RGS12: variants seen among roughly 807,000 people sequenced by gnomAD.
The protein encoded by RGS12 is regulator of G-protein signaling 12.
RGS12 carries 66 observed loss-of-function variants against 120.1 expected under a neutral mutation model. That is an observed-to-expected ratio of 0.55 (90% CI 0.45 to 0.67). RGS12 has a LOEUF of 0.67. Ranked by LOEUF, RGS12 falls within the 30% of genes least tolerant of loss-of-function variation. RGS12 has a pLI of 0.00. For missense variants in RGS12, 1,859 were observed against 1,957.7 expected, an observed-to-expected ratio of 0.95 and a Z score of 0.95; for synonymous variants, 827 against 804.7, an observed-to-expected ratio of 1.03 and a Z score of -0.47.
At chr4:3,346,884 C>T (rs576483661) in intron 3 of RGS12, among the ~76,000 whole-genome samples, 2 of 152,136 alleles carry the variant, frequency 1.3e-5, no homozygotes, top group Non-Finnish European at 2.9e-5. Context: ...TCTAGGAACC[C>T]TTGAAGCAGG....
At chr4:3,288,980 C>T (rs1274034203), upstream of RGS12, among the ~76,000 whole-genome samples, 1 of 152,150 alleles carries the variant, frequency 6.6e-6, no homozygotes. The surrounding 1 kb of genome is among the most constrained non-coding windows in gnomAD (Gnocchi z 5.2). Context: ...GCCTGCCATT[C>T]CCTGCCCAGG....
In RGS12 at chr4:3,372,414, C is replaced by T. The variant is rs2108897324; in HGVS notation, c.1999-14002C>T. Reference sequence around the variant, plus strand: ...AACAAGTCCCCACTGCAAGTGAGTGCCCAGGTGAAGGCCCTGCTGGCGCAC... The same window carrying T: ...AACAAGTCCCCACTGCAAGTGAGTGTCCAGGTGAAGGCCCTGCTGGCGCAC... On this transcript the variant is annotated intron_variant, in intron 3 of 17. Transcript: ENST00000336727. The surrounding 1 kb of genome is among the most constrained non-coding windows in gnomAD (Gnocchi z 4.3). Among the ~76,000 whole-genome samples, 1 of 152,366 alleles carries T rather than the reference C, an allele frequency of 6.6e-6. No individual in the cohort carries two copies.
intron 1 of RGS12, among the ~76,000 whole-genome samples, chr4:3,299,182 C>G (rs940614666): frequency 6.6e-5 from 10 of 152,034 alleles, no homozygotes; most frequent in Non-Finnish European, 1.5e-4. Context: ...CTGCCTCCTT[C>G]TGCTGGACTC....
At chr4:3,396,556 A>AC (rs907794351) in intron 4 of RGS12, among the ~76,000 whole-genome samples, 2 of 152,164 alleles carry the variant, frequency 1.3e-5, no homozygotes, top group African/African-American at 4.8e-5. Context: ...TTGAAGCAAC[A>AC]CCTGTATCAG....
intron 4 of RGS12, among the ~76,000 whole-genome samples, chr4:3,391,185 A>G (rs1202821598): frequency 6.6e-6 from 1 of 152,226 alleles, no homozygotes; most frequent in Non-Finnish European, 1.5e-5. Flanking sequence ...CTTCAAAATG[A>G]TGCTCAGAAT....
At chr4:3,342,498 A>G in intron 2 of RGS12, 2 of 1,290,324 alleles carry the variant, frequency 1.5e-6, no homozygotes, top group Non-Finnish European at 2.0e-6. Flanking sequence ...AAGTGCTTAC[A>G]AAATTATGAA....
rs975825875 is a variant in RGS12 at position 3,390,681 on chromosome 4, A to G, written c.2020+4244A>G. ...GGCGGAAGATTCGGGCTCCACCTGC[A>G]GCTCCACAGCTGACAGGCCGATCTC... On this transcript the variant is annotated intron_variant, in intron 4 of 17. Coordinates refer to ENST00000336727, the MANE Select transcript of RGS12 (RefSeq NM_001394154.1). The surrounding 1 kb of genome is among the most constrained non-coding windows in gnomAD (Gnocchi z 4.6). Among the ~76,000 whole-genome samples the G allele has an allele frequency of 4.6e-5, 7 of 152,192 alleles. No individual in the cohort carries two copies. The highest frequency in any genetic ancestry group is 1.4e-4 in the African/African-American group (6 of 41,454).
intron 2 of RGS12, chr4:3,342,480 A>G: frequency 7.8e-7 from 1 of 1,289,290 alleles, no homozygotes; most frequent in Non-Finnish European, 1.0e-6. Context: ...GGATTCTTTC[A>G]TTTCCTAAAG....
At chr4:3,347,171 A>G (rs745679597) in intron 3 of RGS12, among the ~76,000 whole-genome samples, 57 of 152,194 alleles carry the variant, frequency 3.7e-4, no homozygotes, top group Non-Finnish European at 2.5e-4. Flanking sequence ...CTGGCCAGGC[A>G]CGGTGGCTCA....
intron 3 of RGS12, among the ~76,000 whole-genome samples, chr4:3,348,168 A>G (rs1714001168): frequency 6.6e-6 from 1 of 152,192 alleles, no homozygotes; most frequent in Admixed American, 6.5e-5. Flanking sequence ...ATGCCAAAAG[A>G]TTTAAAACGC....
chr4:3,396,565 A>G (rs1720065404), intron 4 of RGS12, among the ~76,000 whole-genome samples: 1 of 152,232 alleles, frequency 6.6e-6, no homozygotes, highest in Admixed American at 6.5e-5. Context: ...CACCTGTATC[A>G]GGTAATCATA....
Position 3,407,084 on chromosome 4 carries a change from A to C in RGS12, c.2021-6988A>C, listed in dbSNP as rs144656155. On this transcript the variant is annotated intron_variant, in intron 4 of 17. Coordinates refer to ENST00000336727, the MANE Select transcript of RGS12 (RefSeq NM_001394154.1). The stretch of plus-strand genomic sequence containing the variant: ...AAAACTATACAAAAAGCCTACAAGT[A>C]CTTTTTTTTCCTTTGCCACTGCTTG... 6.2e-4 allele frequency among the ~76,000 whole-genome samples: 94 copies of C among 152,346 alleles called. 4 individuals are homozygous for C. In the South Asian group the frequency reaches 0.013, roughly 21 times the overall value.
intron 2 of RGS12, among the ~76,000 whole-genome samples, chr4:3,337,915 G>A (rs28728173): frequency 0.02 from 3,086 of 152,308 alleles, 61 homozygotes; most frequent in Non-Finnish European, 0.032. Flanking sequence ...AGCAGGAGCT[G>A]GGTGTTGTCT....
At chr4:3,300,624 C>G (rs1298843566) in intron 1 of RGS12, among the ~76,000 whole-genome samples, 1 of 152,186 alleles carries the variant, frequency 6.6e-6, no homozygotes, top group African/African-American at 2.4e-5. Flanking sequence ...GCTGTGACCC[C>G]TCCGAAGGCT....
Position 3,316,088 on chromosome 4 carries a change from A to C in RGS12, c.-83A>C. ...TTCTTAGGGCACTGTTTGAAGAAGC[A>C]AACATGGTAGCATCAAGCATTCCTT... On this transcript the variant is annotated 5_prime_UTR_variant, in exon 2 of 18. Transcript: ENST00000336727. 7.1e-7 allele frequency: 1 copy of C among 1,409,486 alleles called. No individual in the cohort carries two copies. Among genetic ancestry groups the C allele is most frequent in the Non-Finnish European group, 9.6e-7 (1 of 1,045,892 alleles). 87.3% of individuals were successfully genotyped at this position (1,409,486 alleles called of 1,614,324 possible).
intron 2 of RGS12, among the ~76,000 whole-genome samples, chr4:3,320,686 T>A (rs1207653665): frequency 6.6e-6 from 1 of 152,248 alleles, no homozygotes; most frequent in Admixed American, 6.5e-5. Context: ...TGTTGCTGTT[T>A]ACTTTGCCAA....
chr4:3,395,427 A>C (rs777162081), intron 4 of RGS12, among the ~76,000 whole-genome samples: 1 of 152,194 alleles, frequency 6.6e-6, no homozygotes, highest in Non-Finnish European at 1.5e-5. Context: ...GGTGCCATAT[A>C]ACATGCTTGT....
chr4:3,326,208 A>G (rs1355707701), intron 2 of RGS12, among the ~76,000 whole-genome samples: 1 of 152,214 alleles, frequency 6.6e-6, no homozygotes, highest in African/African-American at 2.4e-5. Flanking sequence ...AGGCATACCA[A>G]TTAGAGAAGA....
chr4:3,418,224 G>C (rs1252691142), intron 9 of RGS12: 2 of 152,316 alleles, frequency 1.3e-5, no homozygotes, highest in Admixed American at 6.5e-5. Context: ...GGCGGCTCCT[G>C]GCCGAGCTCC....
Sources: gnomAD v4.1 joint callset for allele counts (sites outside exome capture counted in the v4.1 genomes callset) on GRCh38, gnomAD v4.1.1 for gene constraint, Gnocchi (gnomAD v3.1) non-coding constraint, MANE v1.5 for transcripts, NCBI Gene and HGNC (gene_info 2026-07-23, HGNC 2026-07-21) for gene names.